Variants in TENM3 observed in about 807,000 individuals in gnomAD.
The protein encoded by TENM3 is teneurin-3.
Under a neutral mutation model 255.1 loss-of-function variants are expected in TENM3, and 63 were observed. The ratio of observed to expected loss-of-function variants is 0.25; its 90% confidence interval spans 0.20 to 0.30. The LOEUF (loss-of-function observed/expected upper bound fraction) is 0.30. Among genes scored for constraint, TENM3 ranks in the 10% least tolerant of loss-of-function variants. The probability of loss-of-function intolerance (pLI) is 1.00; values close to 1 mark genes in which losing one functional copy is unlikely to be tolerated. For missense variants in TENM3, 2,929 were observed against 3,461.1 expected, an observed-to-expected ratio of 0.85 and a Z score of 3.86; for synonymous variants, 1,306 against 1,322.3, an observed-to-expected ratio of 0.99 and a Z score of 0.27.
the TENM3 span, among the ~76,000 whole-genome samples, chr4:181,506,474 G>GA: frequency 4.4e-4 from 67 of 152,044 alleles, no homozygotes; most frequent in East Asian, 0.012. Flanking sequence ...AAAAAGCTGG[G>GA]AAAAAATATC....
At chr4:181,865,589 G>A in the TENM3 span, among the ~76,000 whole-genome samples, 1 of 152,202 alleles carries the variant, frequency 6.6e-6, no homozygotes, top group Non-Finnish European at 1.5e-5. Context: ...GGGGCTGAAG[G>A]CCCACTAAAG....
the TENM3 span, among the ~76,000 whole-genome samples, chr4:181,668,345 G>A: frequency 6.6e-6 from 1 of 152,062 alleles, no homozygotes; most frequent in Non-Finnish European, 1.5e-5. Flanking sequence ...TTTTATTCCT[G>A]TATTAGTTTA....
the TENM3 span, among the ~76,000 whole-genome samples, chr4:181,735,321 C>G: frequency 6.6e-6 from 1 of 152,004 alleles, no homozygotes; most frequent in Non-Finnish European, 1.5e-5. Context: ...CCCATAGAAA[C>G]AAATATTAGT....
intron 3 of TENM3, among the ~76,000 whole-genome samples, chr4:182,596,907 A>G (rs9992452): frequency 0.21 from 32,227 of 152,014 alleles, 4,051 homozygotes; most frequent in African/African-American, 0.35. Context: ...GAACTTTTTT[A>G]TCAATCTGTG....
At chr4:181,885,124 AG>A in the TENM3 span, among the ~76,000 whole-genome samples, 2 of 152,320 alleles carry the variant, frequency 1.3e-5, no homozygotes, top group Admixed American at 6.5e-5. Flanking sequence ...AAGCACTACA[AG>A]TTGTATCTAT....
chr4:181,900,623 A>G, the TENM3 span, among the ~76,000 whole-genome samples: 1 of 152,168 alleles, frequency 6.6e-6, no homozygotes, highest in Non-Finnish European at 1.5e-5. Context: ...AAGCCCCTTG[A>G]GTCCTCTTTT....
intron 22 of TENM3, among the ~76,000 whole-genome samples, chr4:182,758,507 G>A (rs1268216317): frequency 2.0e-5 from 3 of 152,094 alleles, no homozygotes; most frequent in East Asian, 3.9e-4. Flanking sequence ...CTTGTCTCCC[G>A]ACCTGGGTGT....
the TENM3 span, among the ~76,000 whole-genome samples, chr4:182,106,282 A>G: frequency 6.6e-6 from 1 of 152,120 alleles, no homozygotes; most frequent in East Asian, 1.9e-4. Context: ...GCAACATGGC[A>G]AAACCCCATC....
At chr4:182,189,204 G>T (rs1753353921) in intron 1 of TENM3, among the ~76,000 whole-genome samples, 1 of 151,772 alleles carries the variant, frequency 6.6e-6, no homozygotes, top group Non-Finnish European at 1.5e-5. Flanking sequence ...TTTGATGTGT[G>T]ATTCTTGGTG....
chr4:182,444,998 G>A (rs1772798129), intron 3 of TENM3, among the ~76,000 whole-genome samples: 1 of 152,080 alleles, frequency 6.6e-6, no homozygotes, highest in Admixed American at 6.6e-5. Context: ...TAGTGGAGAT[G>A]GGGTTTCACT....
intron 3 of TENM3, among the ~76,000 whole-genome samples, chr4:182,437,244 T>C (rs933375125): frequency 6.6e-6 from 1 of 152,214 alleles, no homozygotes; most frequent in Non-Finnish European, 1.5e-5. Context: ...TAATTCATTC[T>C]TCAAAATAAA....
At chr4:181,456,101 G>A in the TENM3 span, among the ~76,000 whole-genome samples, 1 of 117,150 alleles carries the variant, frequency 8.5e-6, no homozygotes, top group Admixed American at 9.0e-5. Flanking sequence ...ATATATGTGT[G>A]TGTGTGTGTG....
the TENM3 span, among the ~76,000 whole-genome samples, chr4:181,753,818 G>A: frequency 1.3e-5 from 2 of 152,276 alleles, no homozygotes; most frequent in South Asian, 4.1e-4. Context: ...GTGACTTAGA[G>A]ATCTCCTTGC....
chr4:182,139,840 C>T (rs1207754070), upstream of TENM3, among the ~76,000 whole-genome samples: 1 of 152,226 alleles, frequency 6.6e-6, no homozygotes, highest in African/African-American at 2.4e-5. Context: ...GCCCGGTTTA[C>T]ACCATGGAAT....
At chr4:181,711,122 C>T in the TENM3 span, among the ~76,000 whole-genome samples, 3 of 152,154 alleles carry the variant, frequency 2.0e-5, no homozygotes, top group Non-Finnish European at 4.4e-5. Context: ...GCTACAAATT[C>T]ACATGCTTTG....
intron 13 of TENM3, among the ~76,000 whole-genome samples, chr4:182,723,973 A>G (rs1008944682): frequency 2.0e-5 from 3 of 152,228 alleles, no homozygotes; most frequent in Non-Finnish European, 2.9e-5. Context: ...AGATAAGAGC[A>G]TGTTTAAAAA....
At chr4:182,234,086 T>C (rs1364879665) in intron 1 of TENM3, among the ~76,000 whole-genome samples, 1 of 152,170 alleles carries the variant, frequency 6.6e-6, no homozygotes, top group Non-Finnish European at 1.5e-5. Context: ...GTCTGACAAA[T>C]GCAGAAACCT....
chr4:182,396,053 A>G (rs1768784059), intron 3 of TENM3, among the ~76,000 whole-genome samples: 1 of 152,114 alleles, frequency 6.6e-6, no homozygotes, highest in Admixed American at 6.6e-5. Context: ...TTTTTTCTCA[A>G]CCGAAGCATA....
intron 3 of TENM3, among the ~76,000 whole-genome samples, chr4:182,582,233 T>C (rs1426676001): frequency 6.6e-6 from 1 of 152,182 alleles, no homozygotes; most frequent in East Asian, 1.9e-4. Context: ...TTAATACGAA[T>C]ACTTCCTCTT....
Sources: gnomAD v4.1 joint callset for allele counts (sites outside exome capture counted in the v4.1 genomes callset) on GRCh38, gnomAD v4.1.1 for gene constraint, MANE v1.5 for transcripts, NCBI Gene and HGNC (gene_info 2026-07-23, HGNC 2026-07-21) for gene names.